The following AP3M1 variants were observed in gnomAD, a reference collection of about 807,000 sequenced individuals.
The protein encoded by AP3M1 is adaptor related protein complex 3 subunit mu 1.
A neutral mutation model predicts 42.6 loss-of-function variants in AP3M1; 29 were observed. The ratio of observed to expected loss-of-function variants is 0.68; its 90% confidence interval spans 0.51 to 0.93. The LOEUF (loss-of-function observed/expected upper bound fraction) is 0.93, where lower values mean the gene tolerates loss of function less well. AP3M1 is among the 40% of genes least tolerant of loss of function. The pLI, the probability that AP3M1 is intolerant of heterozygous loss-of-function variation, is 0.00. For synonymous variants in AP3M1, 178 were observed against 175.3 expected, an observed-to-expected ratio of 1.02 and a Z score of -0.12; for missense variants, 416 against 510.2, an observed-to-expected ratio of 0.82 and a Z score of 1.78.
intron 2 of AP3M1, 95 bp downstream of exon 2, chr10:74,138,011 TA>T: frequency 7.7e-7 from 1 of 1,299,262 alleles, no homozygotes; most frequent in Non-Finnish European, 1.0e-6. Flanking sequence ...AGACAGACAG[TA>T]AACATCAAAA....
chr10:74,124,264 G>A, intron 8 of AP3M1, 116 bp downstream of exon 8: 1 of 1,310,538 alleles, frequency 7.6e-7, no homozygotes, highest in Middle Eastern at 2.2e-4. Context: ...CAGTATAAAA[G>A]GCAAATGGGC....
rs72816375 is a variant in AP3M1 at position 74,133,475 on chromosome 10, C to T, written c.583+552G>A. ...ACTTGGGAAGCTGAAGCAGCAGGAT[C>T]GCTTGAATCCAGGAGGTGAAGGTTC... On this transcript the variant is annotated intron_variant, in intron 4 of 8. Transcript: ENST00000355264. 2.8e-3 allele frequency among the ~76,000 whole-genome samples: 425 copies of T among 151,808 alleles called. 1 individual carries two copies. The highest frequency in any genetic ancestry group is 5.2e-3 in the Non-Finnish European group (350 of 67,942).
At chr10:74,133,999 C>T in intron 4 of AP3M1, 28 bp downstream of exon 4, 2 of 1,610,084 alleles carry the variant, frequency 1.2e-6, no homozygotes, top group South Asian at 2.2e-5. Context: ...TTGTTTTTCC[C>T]CAAATAAGAT....
chr10:74,129,244 G>C lies in AP3M1; in HGVS notation c.670-3C>G, dbSNP rs747309014. On this transcript the variant is annotated splice_polypyrimidine_tract_variant and splice_region_variant and intron_variant, in intron 5 of 8. Coordinates refer to ENST00000355264, the MANE Select transcript of AP3M1 (RefSeq NM_012095.6). ...ACATCATCCAGAAGCCTAGGGTTCT[G>C]CCAGAAAAACAGAAGACAGTCGTTC... The C allele has an allele frequency of 1.2e-6, 2 of 1,613,412 alleles. No homozygotes were observed. Among genetic ancestry groups the C allele is most frequent in the South Asian group, 1.1e-5 (1 of 91,002 alleles).
rs958556703 is a variant in AP3M1 at position 74,120,879 on chromosome 10, C to T, written c.*2931G>A. ...AGAATAAATAGGGTTTTCAGGGATC[C>T]ACCAGGGCTATAAAACAGAGTTAGC... is the stretch of plus-strand genomic sequence containing the variant. On this transcript the variant is annotated 3_prime_UTR_variant, in exon 9 of 9. Coordinates refer to ENST00000355264, the MANE Select transcript of AP3M1 (RefSeq NM_012095.6). The T allele has an allele frequency of 1.3e-5, 2 of 152,148 alleles. No individual in the cohort carries two copies. The highest frequency in any genetic ancestry group is 2.9e-5 in the Non-Finnish European group (2 of 68,042). The allele number at this position is 152,148 out of a possible 1,614,324, so 9.4% of individuals were successfully genotyped here.
intron 1 of AP3M1, among the ~76,000 whole-genome samples, chr10:74,147,360 C>G (rs1043177843): frequency 1.3e-5 from 2 of 152,154 alleles, no homozygotes; most frequent in Non-Finnish European, 2.9e-5. Flanking sequence ...TTAATGCCTG[C>G]TAAGGAGCCC....
At chr10:74,150,447 C>T (rs1841524091) in intron 1 of AP3M1, 1 of 152,388 alleles carries the variant, frequency 6.6e-6, no homozygotes, top group African/African-American at 2.4e-5. Flanking sequence ...TTTTGTCCTC[C>T]AAAGCAGAAA....
chr10:74,133,832 C>G (rs1368580277), intron 4 of AP3M1, among the ~76,000 whole-genome samples, 195 bp downstream of exon 4: 3 of 151,644 alleles, frequency 2.0e-5, no homozygotes, highest in Non-Finnish European at 4.4e-5. Flanking sequence ...TTTTTTGTAT[C>G]TTTAGTAGAG....
At chr10:74,134,819 A>C (rs1410727953) in intron 3 of AP3M1, among the ~76,000 whole-genome samples, 2 of 152,234 alleles carry the variant, frequency 1.3e-5, no homozygotes, top group Non-Finnish European at 2.9e-5. Flanking sequence ...TAACAACAAC[A>C]AAAAGGTAGA....
intron 7 of AP3M1, 102 bp downstream of exon 7, chr10:74,126,046 T>C (rs1840604257): frequency 1.6e-6 from 2 of 1,233,722 alleles, no homozygotes; most frequent in South Asian, 1.3e-5. Context: ...ATACGAACTT[T>C]AGTTTTAAAC....
At position 74,122,026 on chromosome 10, in the gene AP3M1, A is replaced by G. The variant is rs769564082; in HGVS notation, c.*1784T>C. The stretch of plus-strand genomic sequence containing the variant: ...AGCAGAAAGCAAAGCAAATGTTCTC[A>G]TTGTTCTTTTGAGGTACGAACTCTG... On this transcript the variant is annotated 3_prime_UTR_variant, in exon 9 of 9. Coordinates refer to ENST00000355264, the MANE Select transcript of AP3M1 (RefSeq NM_012095.6). The G allele has an allele frequency of 6.6e-6, 1 of 152,214 alleles. No homozygotes were observed. Among genetic ancestry groups the G allele is most frequent in the Non-Finnish European group, 1.5e-5 (1 of 68,042 alleles). 9.4% of individuals were successfully genotyped at this position (152,214 alleles called of 1,614,324 possible).
In AP3M1 at chr10:74,141,755, C is replaced by G. The variant is rs188591015; in HGVS notation, c.-3-3373G>C. On this transcript the variant is annotated intron_variant, in intron 1 of 8. Transcript: ENST00000355264. ...TGAGATGGAGTCTTACACTGTCGCCCAGGCTGGAGTGCAATGGTGTTATCT... is the reference window on the plus strand; with the variant it reads ...TGAGATGGAGTCTTACACTGTCGCCGAGGCTGGAGTGCAATGGTGTTATCT... 1.0e-4 allele frequency among the ~76,000 whole-genome samples: 15 copies of G among 150,350 alleles called. No individual in the cohort carries two copies. The East Asian group carries it at 2.9e-3, about 29-fold the overall frequency.
chr10:74,130,097 G>GCAAGAC, intron 4 of AP3M1, 105 bp from the exon 5 acceptor site: 2 of 836,588 alleles, frequency 2.4e-6, no homozygotes, highest in Non-Finnish European at 3.8e-6. Flanking sequence ...TAGAGACAGA[G>GCAAGAC]TCTTGCTCTG....
chr10:74,142,881 T>A (rs1166827947), intron 1 of AP3M1, among the ~76,000 whole-genome samples: 1 of 152,246 alleles, frequency 6.6e-6, no homozygotes, highest in Admixed American at 6.5e-5. Context: ...GATCTGCAAC[T>A]AAATTTTTAT....
chr10:74,145,286 G>A (rs910803673), intron 1 of AP3M1, among the ~76,000 whole-genome samples: 2 of 152,214 alleles, frequency 1.3e-5, no homozygotes, highest in African/African-American at 2.4e-5. Context: ...AGTTTCCACC[G>A]AAGTTGTTTT....
intron 1 of AP3M1, among the ~76,000 whole-genome samples, chr10:74,144,019 T>C (rs1841244538): frequency 6.6e-6 from 1 of 152,202 alleles, no homozygotes; most frequent in Non-Finnish European, 1.5e-5. Context: ...AGGAGCGCAA[T>C]GGCGTGATCT....
rs76814464 is a variant in AP3M1 at position 74,137,972 on chromosome 10, G to A, written c.273+135C>T. 9.0e-3 allele frequency: 7,954 copies of A among 883,126 alleles called. 56 individuals carry two copies. Among genetic ancestry groups the A allele is most frequent in the Middle Eastern group, 0.014 (40 of 2,842 alleles). 54.7% of individuals were successfully genotyped at this position (883,126 alleles called of 1,614,324 possible). ...TGTAACTGTATACCACACAGAAAAG[G>A]GCTTATGAATTTACGCTTAAACAGA... On this transcript the variant is annotated intron_variant, in intron 2 of 8. Transcript: ENST00000355264.
rs1465580529 is a variant in AP3M1 at position 74,123,717 on chromosome 10, A to G, written c.*93T>C. On this transcript the variant is annotated 3_prime_UTR_variant, in exon 9 of 9. Coordinates refer to ENST00000355264, the MANE Select transcript of AP3M1 (RefSeq NM_012095.6). ...GTAGCTAGACACAAATGCTTTAACT[A>G]GAATATGTATTCCCACTCACTTGGT... The G allele has an allele frequency of 3.2e-6, 3 of 939,036 alleles. No homozygotes were observed. The highest frequency in any genetic ancestry group is 5.2e-6 in the Non-Finnish European group (3 of 576,966). 58.2% of individuals were successfully genotyped at this position (939,036 alleles called of 1,614,324 possible).
At chr10:74,149,061 C>T (rs1293236722) in intron 1 of AP3M1, among the ~76,000 whole-genome samples, 4 of 151,088 alleles carry the variant, frequency 2.6e-5, no homozygotes, top group African/African-American at 9.7e-5. Context: ...TTAGTAGTGA[C>T]GGGGTTTCTC....
Sources: gnomAD v4.1 joint callset for allele counts (sites outside exome capture counted in the v4.1 genomes callset) on GRCh38, gnomAD v4.1.1 for gene constraint, MANE v1.5 for transcripts, NCBI Gene and HGNC (gene_info 2026-07-23, HGNC 2026-07-21) for gene names.